OTUD4: variants seen among roughly 807,000 people sequenced by gnomAD.
OTUD4 encodes OTU domain-containing protein 4.
OTUD4 carries 24 observed loss-of-function variants against 130.4 expected under a neutral mutation model. The observed-to-expected ratio is 0.18, with a 90% CI of 0.13 to 0.26. The LOEUF is 0.26. OTUD4 is among the 10% of genes least tolerant of loss of function. The pLI is 1.00. For missense variants in OTUD4, 1,031 were observed against 1,329.4 expected (o/e 0.78, Z 3.49); for synonymous variants, 420 against 472.5 (o/e 0.89, Z 1.44).
Position 145,171,803 on chromosome 4 carries a change from T to C in OTUD4, c.244-83A>G, listed in dbSNP as rs1397473380. 5 of 738,152 alleles carry C rather than the reference T, an allele frequency of 6.8e-6. No individual in the cohort carries two copies. The East Asian group carries it at 1.2e-4, about 18-fold the overall frequency. 45.7% of individuals were successfully genotyped at this position (738,152 alleles called of 1,614,324 possible). On this transcript the variant is annotated intron_variant, in intron 2 of 20. Coordinates refer to ENST00000447906, the MANE Select transcript of OTUD4 (RefSeq NM_001366057.1). Reference sequence around the variant, plus strand: ...CGCTTCGCTGTGTAAACATTCACTGTGAATTACTGAGTTTGTACATAAACC... The same window carrying C: ...CGCTTCGCTGTGTAAACATTCACTGCGAATTACTGAGTTTGTACATAAACC...
intron 14 of OTUD4, among the ~76,000 whole-genome samples, chr4:145,145,239 A>G (rs1451028702): frequency 6.6e-6 from 1 of 152,242 alleles, no homozygotes; most frequent in Non-Finnish European, 1.5e-5. Flanking sequence ...TGTAGTTGTT[A>G]TTTATATAAT....
chr4:145,150,770 C>T (rs1286275900), intron 12 of OTUD4, 32 bp downstream of exon 12: 2 of 1,604,720 alleles, frequency 1.2e-6, no homozygotes, highest in Non-Finnish European at 1.7e-6. Flanking sequence ...TCATCCCAAT[C>T]CCAAAGGAAT....
In OTUD4 at chr4:145,138,476, G is replaced by A. The variant is rs1298289943; in HGVS notation, c.2299C>T (p.His767Tyr). 5 of 1,613,892 alleles carry A rather than the reference G, an allele frequency of 3.1e-6. No individual in the cohort carries two copies. The highest frequency in any genetic ancestry group is 1.3e-5 in the African/African-American group (1 of 74,906). Reference protein sequence around the residue: ...NESDCTCTDAHFPMQTEASVN... With the variant: ...NESDCTCTDAYFPMQTEASVN... ...CTGGCCTCAGTCTGCATAGGAAAGT[G>A]GGCATCAGTACAGGTACAATCACTT... is the stretch of plus-strand genomic sequence containing the variant. Residue 767 changes from histidine (H) to tyrosine (Y), a missense_variant, in exon 21 of 21, where the codon CAC (histidine) becomes TAC (tyrosine). Coordinates refer to ENST00000447906, the MANE Select transcript of OTUD4 (RefSeq NM_001366057.1).
At chr4:145,176,498 C>A (rs191441388) in intron 1 of OTUD4, among the ~76,000 whole-genome samples, 2 of 140,818 alleles carry the variant, frequency 1.4e-5, no homozygotes, top group East Asian at 4.2e-4. Context: ...CTAGCCTGGT[C>A]AACATGGTGA....
intron 1 of OTUD4, among the ~76,000 whole-genome samples, 186 bp from the exon 2 acceptor site, chr4:145,174,930 T>C (rs1482613125): frequency 6.6e-6 from 1 of 152,210 alleles, no homozygotes; most frequent in African/African-American, 2.4e-5. Context: ...AGCGAAGACA[T>C]GACATATACA....
At chr4:145,155,301 C>T in intron 10 of OTUD4, 110 bp downstream of exon 10, 1 of 829,542 alleles carries the variant, frequency 1.2e-6, no homozygotes, top group Non-Finnish European at 2.0e-6. Context: ...TAAATATATT[C>T]TGAAATCCCA....
At chr4:145,149,467 G>C (rs1425621079) in intron 13 of OTUD4, 1 of 152,206 alleles carries the variant, frequency 6.6e-6, no homozygotes, top group Middle Eastern at 3.2e-3. Flanking sequence ...ATTGATAAAT[G>C]TCAGCTTAAG....
chr4:145,144,048 G>A (rs1750707579), intron 15 of OTUD4, 47 bp from the exon 16 acceptor site: 2 of 1,420,806 alleles, frequency 1.4e-6, no homozygotes, highest in Admixed American at 1.8e-5. Flanking sequence ...CACCAGTCAT[G>A]TCTGAACACA....
intron 7 of OTUD4, among the ~76,000 whole-genome samples, chr4:145,157,175 T>C (rs1751334144): frequency 4.6e-5 from 7 of 152,154 alleles, no homozygotes; most frequent in Admixed American, 4.6e-4. Context: ...AATAAGTATG[T>C]TAAATGCTGA....
intron 8 of OTUD4, 34 bp downstream of exon 8, chr4:145,155,902 G>A: frequency 6.7e-7 from 1 of 1,499,084 alleles, no homozygotes; most frequent in Non-Finnish European, 9.2e-7. Flanking sequence ...TTATATTAAA[G>A]AACTACATTT....
chr4:145,139,088 T>G (rs1005304384), intron 20 of OTUD4, among the ~76,000 whole-genome samples: 7 of 152,160 alleles, frequency 4.6e-5, no homozygotes, highest in Non-Finnish European at 1.0e-4. Context: ...GTACTCCGAA[T>G]GTAAGGATTA....
intron 10 of OTUD4, among the ~76,000 whole-genome samples, chr4:145,154,042 T>C (rs557487698): frequency 6.6e-6 from 1 of 152,340 alleles, no homozygotes; most frequent in South Asian, 2.1e-4. Context: ...ATCTACTTTA[T>C]CAAAAGCACC....
intron 4 of OTUD4, among the ~76,000 whole-genome samples, chr4:145,164,522 G>GA (rs796331456): frequency 7.2e-5 from 11 of 152,012 alleles, no homozygotes; most frequent in African/African-American, 2.2e-4. Flanking sequence ...ATTCTGAAAA[G>GA]AAAAAACAAA....
At chr4:145,161,719 C>T (rs1751580080) in intron 6 of OTUD4, among the ~76,000 whole-genome samples, 1 of 152,202 alleles carries the variant, frequency 6.6e-6, no homozygotes, top group South Asian at 2.1e-4. Flanking sequence ...TTCTGAAGTT[C>T]ACAAGAGAGC....
Position 145,162,402 on chromosome 4 carries a change from A to C in OTUD4, c.496+238T>G, listed in dbSNP as rs571087991. On this transcript the variant is annotated intron_variant, in intron 6 of 20. Coordinates refer to ENST00000447906, the MANE Select transcript of OTUD4 (RefSeq NM_001366057.1). ...CCTAGTCTCTATTAAAAATACAAAA[A>C]AATTAGCCAGGCGTTGTGGCGGGCG... Among the ~76,000 whole-genome samples, 77 of 152,134 alleles carry C rather than the reference A, an allele frequency of 5.1e-4. 1 individual carries two copies. In the South Asian group the frequency reaches 0.016, roughly 32 times the overall value.
intron 13 of OTUD4, among the ~76,000 whole-genome samples, chr4:145,148,264 C>A (rs1469822007): frequency 6.6e-6 from 1 of 152,194 alleles, no homozygotes; most frequent in Admixed American, 6.5e-5. Flanking sequence ...CTTTGCAAGG[C>A]AGAGGTGGGC....
intron 19 of OTUD4, among the ~76,000 whole-genome samples, chr4:145,141,117 C>T (rs1361774368): frequency 4.2e-5 from 6 of 144,434 alleles, no homozygotes; most frequent in Non-Finnish European, 9.0e-5. Context: ...TGCAGTGAGC[C>T]GAGATCACAC....
intron 1 of OTUD4, 177 bp downstream of exon 1, chr4:145,179,638 C>T (rs1752594753): frequency 2.1e-6 from 3 of 1,397,630 alleles, no homozygotes; most frequent in Non-Finnish European, 2.8e-6. Context: ...CAATTTGCAC[C>T]TTTCAGACGC....
intron 16 of OTUD4, among the ~76,000 whole-genome samples, 173 bp from the exon 17 acceptor site, chr4:145,143,618 T>C (rs891265357): frequency 6.6e-6 from 1 of 152,182 alleles, no homozygotes; most frequent in African/African-American, 2.4e-5. Context: ...TGCCTGAACA[T>C]CTTTATTACA....
Sources: allele counts gnomAD v4.1 joint callset (sites outside exome capture counted in the v4.1 genomes callset), GRCh38; gene constraint gnomAD v4.1.1; transcripts MANE v1.5; gene names NCBI Gene and HGNC (gene_info 2026-07-23, HGNC 2026-07-21).